LEPROTL1: variants seen among roughly 807,000 people sequenced by gnomAD.
The protein encoded by LEPROTL1 is leptin receptor overlapping transcript-like 1.
A neutral mutation model predicts 15.4 loss-of-function variants in LEPROTL1; 6 were observed. That is an observed-to-expected ratio of 0.39 (90% CI 0.21 to 0.77). The LOEUF (loss-of-function observed/expected upper bound fraction) is 0.77. Among genes scored for constraint, LEPROTL1 ranks in the 30% least tolerant of loss-of-function variants. The pLI is 0.41. For missense variants in LEPROTL1, 128 were observed against 158.1 expected (o/e 0.81, Z 1.02); for synonymous variants, 56 against 52.6 (o/e 1.06, Z -0.28).
At chr8:30,117,070 T>C (rs976878908) in intron 3 of LEPROTL1, among the ~76,000 whole-genome samples, 5 of 152,170 alleles carry the variant, frequency 3.3e-5, no homozygotes, top group Non-Finnish European at 5.9e-5. Flanking sequence ...TGTTTTTTTT[T>C]CCCCTTTACA....
At position 30,106,438 on chromosome 8, in the gene LEPROTL1, T is replaced by C. The variant is rs1159974204; in HGVS notation, c.*576T>C. 1 of 985,738 alleles carries C rather than the reference T, an allele frequency of 1.0e-6. No homozygotes were observed. The highest frequency in any genetic ancestry group is 1.2e-6 in the Non-Finnish European group (1 of 829,912). The allele number at this position is 985,738 out of a possible 1,614,324, so 61.1% of individuals were successfully genotyped here. On this transcript the variant is annotated 3_prime_UTR_variant, in exon 4 of 4. Coordinates refer to ENST00000321250, the MANE Select transcript of LEPROTL1 (RefSeq NM_015344.3). The stretch of plus-strand genomic sequence containing the variant: ...ATACCTCAGAGGGGCCAAGTGTTAA[T>C]GCCCATGCCCTCCGTTAAGGGTTGT...
Position 30,108,484 on chromosome 8 carries a change from T to A in LEPROTL1, c.*2622T>A, listed in dbSNP as rs1802607408. ...ATTTTAAACAAAAAATATTTCTGTTTGGTACACTGTGAAGAGAGAAAAGTA... is the reference window on the plus strand; with the variant it reads ...ATTTTAAACAAAAAATATTTCTGTTAGGTACACTGTGAAGAGAGAAAAGTA... On this transcript the variant is annotated 3_prime_UTR_variant, in exon 4 of 4. Coordinates refer to ENST00000321250, the MANE Select transcript of LEPROTL1 (RefSeq NM_015344.3). The A allele has an allele frequency of 6.6e-6, 1 of 152,224 alleles. No homozygotes were observed. Among genetic ancestry groups the A allele is most frequent in the South Asian group, 2.1e-4 (1 of 4,836 alleles). The allele number at this position is 152,224 out of a possible 1,614,324, so 9.4% of individuals were successfully genotyped here.
Position 30,106,054 on chromosome 8 carries a change from C to T in LEPROTL1, c.*192C>T, listed in dbSNP as rs1459289390. The T allele has an allele frequency of 3.4e-5, 39 of 1,131,534 alleles. No individual in the cohort carries two copies. The highest frequency in any genetic ancestry group is 4.2e-5 in the Non-Finnish European group (39 of 919,686). The allele number at this position is 1,131,534 out of a possible 1,614,324, so 70.1% of individuals were successfully genotyped here. A position where few individuals can be genotyped will look rare whatever the true frequency, so the allele number is the denominator to read the frequency against. ...TGCTGAAGGATTAAAAGGATTTTCT[C>T]TTTTGGAAAAGCTTGACTGATTTCA... On this transcript the variant is annotated 3_prime_UTR_variant, in exon 4 of 4. Transcript: ENST00000321250.
At chr8:30,128,751 CAAAAAAA>C (rs60440341) in intron 3 of LEPROTL1, among the ~76,000 whole-genome samples, 2 of 115,544 alleles carry the variant, frequency 1.7e-5, no homozygotes, top group South Asian at 2.8e-4. Context: ...GGCCCTGTTT[CAAAAAAA>C]AAAAAAAAAT....
At chr8:30,115,888 T>A (rs958438997) in intron 3 of LEPROTL1, among the ~76,000 whole-genome samples, 1 of 152,166 alleles carries the variant, frequency 6.6e-6, no homozygotes, top group Admixed American at 6.5e-5. Flanking sequence ...ATGATCACTC[T>A]CATAGATTTT....
rs974543255 is a variant in LEPROTL1, at chr8:30,105,839, G to A, written c.373G>A (p.Asp125Asn). ...TTTCTTGGTCTTTGGAAGCAATGAC[G>A]ACTTCAGCTGGCAGCAGTGGTGAAA... ...GFFLVFGSND[D>N]FSWQQW The change falls in exon 4 of 4, where the codon GAC (aspartate) becomes AAC (asparagine). Residue 125 changes from aspartate (D) to asparagine (N), a missense_variant. By Grantham distance (23) the Asp-to-Asn change is conservative (BLOSUM62 1). Transcript: ENST00000321250. 2 of 1,551,574 alleles carry A rather than the reference G, an allele frequency of 1.3e-6. No individual in the cohort carries two copies. Among genetic ancestry groups the A allele is most frequent in the South Asian group, 1.2e-5 (1 of 83,036 alleles).
intron 1 of LEPROTL1, chr8:30,095,964 A>C: frequency 5.8e-6 from 4 of 686,060 alleles, no homozygotes; most frequent in Admixed American, 2.1e-5. Context: ...TTTCCCACCG[A>C]AAGGCACAAG....
downstream of LEPROTL1, among the ~76,000 whole-genome samples, chr8:30,108,690 A>G (rs995050840): frequency 6.7e-6 from 1 of 150,272 alleles, no homozygotes; most frequent in South Asian, 2.1e-4. Context: ...GCTGGAGTGC[A>G]GTGGTACGAT....
chr8:30,110,758 T>C (rs984542188), downstream of LEPROTL1, among the ~76,000 whole-genome samples: 11 of 151,972 alleles, frequency 7.2e-5, no homozygotes, highest in East Asian at 1.9e-3. Context: ...GCAAATAGAA[T>C]GTCTAATACT....
intron 1 of LEPROTL1, among the ~76,000 whole-genome samples, chr8:30,098,627 A>G (rs1017286693): frequency 3.3e-5 from 5 of 152,206 alleles, no homozygotes; most frequent in African/African-American, 1.2e-4. Flanking sequence ...TGCATTTAAG[A>G]TCTAGTCCAA....
chr8:30,130,781 A>ATTTTTTTTTCAAATTTTCAAAAAAAAAT (rs1802992080), intron 3 of LEPROTL1, among the ~76,000 whole-genome samples: 1 of 134,006 alleles, frequency 7.5e-6, no homozygotes, highest in Non-Finnish European at 1.6e-5. Context: ...TCAAAAAAAA[A>ATTTTTTTTTCAAATTTTCAAAAAAAAAT]TTTTTTTTTT....
chr8:30,110,230 A>G (rs1204054938), downstream of LEPROTL1, among the ~76,000 whole-genome samples: 1 of 152,174 alleles, frequency 6.6e-6, no homozygotes, highest in African/African-American at 2.4e-5. Flanking sequence ...ATTAACTGTT[A>G]AGCTTGTAAA....
At chr8:30,099,241 T>C (rs1802421906) in intron 1 of LEPROTL1, among the ~76,000 whole-genome samples, 2 of 152,196 alleles carry the variant, frequency 1.3e-5, no homozygotes, top group South Asian at 4.1e-4. Flanking sequence ...CATAGATGTT[T>C]GTTAGAGGAA....
At chr8:30,098,242 AC>A (rs1213481148) in intron 1 of LEPROTL1, among the ~76,000 whole-genome samples, 4 of 152,332 alleles carry the variant, frequency 2.6e-5, no homozygotes, top group African/African-American at 9.6e-5. Flanking sequence ...AATAGTGATT[AC>A]TTTTGATAAG....
At position 30,106,982 on chromosome 8, in the gene LEPROTL1, A is replaced by G. The variant is rs1206142812; in HGVS notation, c.*1120A>G. ...CCTGCAAGGCCTTGCCATGATTAAC[A>G]AGTAACTTGTTAGTCTTACAGATAA... On this transcript the variant is annotated 3_prime_UTR_variant, in exon 4 of 4. Coordinates refer to ENST00000321250, the MANE Select transcript of LEPROTL1 (RefSeq NM_015344.3). 2 of 985,408 alleles carry G rather than the reference A, an allele frequency of 2.0e-6. No individual in the cohort carries two copies. Among genetic ancestry groups the G allele is most frequent in the African/African-American group, 3.5e-5 (2 of 57,220 alleles). 61.0% of individuals were successfully genotyped at this position (985,408 alleles called of 1,614,324 possible).
chr8:30,110,606 C>T (rs1461595323), downstream of LEPROTL1, among the ~76,000 whole-genome samples: 6 of 151,724 alleles, frequency 4.0e-5, no homozygotes, highest in East Asian at 1.9e-4. Context: ...GTGGTGGTGG[C>T]GCCTGTAGTC....
chr8:30,106,087 C>CTA lies in LEPROTL1; in HGVS notation c.*228_*229dup. On this transcript the variant is annotated 3_prime_UTR_variant, in exon 4 of 4. Transcript: ENST00000321250. ...AAAGCTTGACTGATTTCACACTTAT[C>CTA]TATAGTATGCTTTTTGTGGTGTCCT... 9.4e-7 allele frequency: 1 copy of CTA among 1,061,678 alleles called. No individual in the cohort carries two copies. Among genetic ancestry groups the CTA allele is most frequent in the African/African-American group, 1.7e-5 (1 of 59,780 alleles). The allele number at this position is 1,061,678 out of a possible 1,614,324, so 65.8% of individuals were successfully genotyped here.
chr8:30,129,912 A>G (rs1585479237), intron 3 of LEPROTL1, among the ~76,000 whole-genome samples: 1 of 152,150 alleles, frequency 6.6e-6, no homozygotes, highest in Non-Finnish European at 1.5e-5. Flanking sequence ...ACATGGCTGG[A>G]GCAGGAGGAA....
At chr8:30,114,234 A>G (rs930935215) in intron 3 of LEPROTL1, among the ~76,000 whole-genome samples, 1 of 151,754 alleles carries the variant, frequency 6.6e-6, no homozygotes, top group African/African-American at 2.4e-5. Context: ...ATAGGAAGGT[A>G]AGGAAAAGTT....
Sources: gnomAD v4.1 joint callset for allele counts (sites outside exome capture counted in the v4.1 genomes callset) on GRCh38, gnomAD v4.1.1 for gene constraint, MANE v1.5 for transcripts, NCBI Gene and HGNC (gene_info 2026-07-23, HGNC 2026-07-21) for gene names.